The following XXYLT1 variants were observed in gnomAD, a reference collection of about 807,000 sequenced individuals.
XXYLT1 encodes xyloside xylosyltransferase 1, also known as UDP-xylose:alpha-xyloside alpha-1,3-xylosyltransferase.
A neutral mutation model predicts 28.9 loss-of-function variants in XXYLT1; 20 were observed. That is an observed-to-expected ratio of 0.69 (90% CI 0.49 to 1.00). The LOEUF is 1.00. Ranked by LOEUF, XXYLT1 falls within the 50% of genes least tolerant of loss-of-function variation. The probability of loss-of-function intolerance (pLI) is 0.00; values close to 1 mark genes in which losing one functional copy is unlikely to be tolerated. For synonymous variants in XXYLT1, 257 were observed against 253.8 expected, an observed-to-expected ratio of 1.01 and a Z score of -0.12; for missense variants, 542 against 560.1, an observed-to-expected ratio of 0.97 and a Z score of 0.33.
intron 2 of XXYLT1, among the ~76,000 whole-genome samples, chr3:195,212,692 C>G (rs139137865): frequency 6.6e-6 from 1 of 152,220 alleles, no homozygotes; most frequent in African/African-American, 2.4e-5. Context: ...GAGACTCTGA[C>G]GAATGCCTGA....
chr3:195,186,937 C>A (rs995397134), intron 2 of XXYLT1, among the ~76,000 whole-genome samples: 3 of 151,238 alleles, frequency 2.0e-5, no homozygotes, highest in African/African-American at 4.9e-5. Flanking sequence ...CTCTGTCACC[C>A]AGGCTAGAGT....
intron 2 of XXYLT1, among the ~76,000 whole-genome samples, chr3:195,164,048 T>G (rs1246376906): frequency 6.6e-6 from 1 of 152,246 alleles, no homozygotes; most frequent in East Asian, 1.9e-4. Flanking sequence ...TGAAATGCAT[T>G]CTTTTATGGG....
intron 2 of XXYLT1, among the ~76,000 whole-genome samples, chr3:195,201,347 C>CA (rs1722841224): frequency 6.6e-6 from 1 of 152,226 alleles, no homozygotes; most frequent in Non-Finnish European, 1.5e-5. Flanking sequence ...CCCCAGCACA[C>CA]ACTTTTAACC....
rs1276666400 is a variant in XXYLT1, at chr3:195,150,726, G to C, written c.785+5723C>G. On this transcript the variant is annotated intron_variant, in intron 3 of 3. Transcript: ENST00000310380. The surrounding 1 kb of genome is among the most constrained non-coding windows in gnomAD (Gnocchi z 4.7). ...CTCCCATTCAGAGGATCCTCAGGCG[G>C]CCAGCTCCACAAAGTGACCATAACA... Among the ~76,000 whole-genome samples the C allele has an allele frequency of 6.6e-6, 1 of 152,072 alleles. No homozygotes were observed. Among genetic ancestry groups the C allele is most frequent in the Admixed American group, 6.6e-5 (1 of 15,252 alleles).
At chr3:195,130,296 C>T (rs915575283) in intron 3 of XXYLT1, among the ~76,000 whole-genome samples, 17 of 152,156 alleles carry the variant, frequency 1.1e-4, no homozygotes, top group African/African-American at 3.9e-4. Flanking sequence ...TTTGAAGTGA[C>T]AATGATCACA....
intron 1 of XXYLT1, among the ~76,000 whole-genome samples, chr3:195,242,486 A>G (rs1238439010): frequency 3.9e-5 from 6 of 152,196 alleles, no homozygotes; most frequent in East Asian, 3.8e-4. Flanking sequence ...GATCAATGAC[A>G]TGGACACATG....
At chr3:195,096,511 T>TACAC (rs367808342) in intron 3 of XXYLT1, among the ~76,000 whole-genome samples, 1 of 151,668 alleles carries the variant, frequency 6.6e-6, no homozygotes, top group African/African-American at 2.4e-5. Context: ...ACACACACGA[T>TACAC]ACACACACAC....
chr3:195,188,907 G>A (rs1577125688), intron 2 of XXYLT1, among the ~76,000 whole-genome samples: 1 of 152,222 alleles, frequency 6.6e-6, no homozygotes, highest in Non-Finnish European at 1.5e-5. Flanking sequence ...AGTAACATCC[G>A]ATGGCTATGG....
In XXYLT1 at chr3:195,129,488, C is replaced by A. The variant is rs536403887; in HGVS notation, c.785+26961G>T. 3.9e-5 allele frequency among the ~76,000 whole-genome samples: 6 copies of A among 152,222 alleles called. No individual in the cohort carries two copies. The highest frequency in any genetic ancestry group is 2.0e-4 in the Admixed American group (3 of 15,282). On this transcript the variant is annotated intron_variant, in intron 3 of 3. Transcript: ENST00000310380. This position sits in a 1 kb window ranked among gnomAD's most constrained non-coding sequence, Gnocchi z 4.4. ...TTCATCTCAATGGACGCATATAGTG[C>A]GGTCTTCTGTGACGGGCTTCTTTCA...
intron 2 of XXYLT1, among the ~76,000 whole-genome samples, chr3:195,219,501 G>C (rs1025034134): frequency 6.6e-6 from 1 of 152,228 alleles, no homozygotes; most frequent in East Asian, 1.9e-4. Flanking sequence ...AGGGAAGAAG[G>C]AATGAGGAAG....
At position 195,270,643 on chromosome 3, in the gene XXYLT1, A is replaced by T; in HGVS notation, c.416T>A (p.Leu139His). 1 of 1,560,346 alleles carries T rather than the reference A, an allele frequency of 6.4e-7. No homozygotes were observed. The highest frequency in any genetic ancestry group is 8.6e-7 in the Non-Finnish European group (1 of 1,158,540). ...AKFEAHEVLNLHFVSEEASRE... is the reference protein window; with the variant it reads ...AKFEAHEVLNHHFVSEEASRE... ...GCTGGCCTCCTCGCTCACGAAGTGA[A>T]GGTTAAGCACCTCGTGCGCCTCGAA... The change falls in exon 1 of 4, where the codon CTT (leucine) becomes CAT (histidine). Residue 139 changes from leucine (L) to histidine (H), a missense_variant. Transcript: ENST00000310380.
intron 2 of XXYLT1, among the ~76,000 whole-genome samples, chr3:195,166,294 TAATTA>T (rs1176932863): frequency 6.6e-6 from 1 of 152,260 alleles, no homozygotes; most frequent in Non-Finnish European, 1.5e-5. Context: ...GTTTTTCTTC[TAATTA>T]AATAACATTT....
At chr3:195,071,372 C>A (rs1714798914) in intron 3 of XXYLT1, among the ~76,000 whole-genome samples, 1 of 152,254 alleles carries the variant, frequency 6.6e-6, no homozygotes, top group African/African-American at 2.4e-5. Context: ...ACCGGAGACC[C>A]TGCCCAGGGT....
intron 2 of XXYLT1, among the ~76,000 whole-genome samples, chr3:195,179,748 C>T (rs1007216247): frequency 3.9e-5 from 6 of 152,024 alleles, no homozygotes; most frequent in Admixed American, 1.3e-4. Context: ...TCATCCTGCC[C>T]ATGAGAAAAG....
At chr3:195,222,131 G>A (rs1723853688) in intron 2 of XXYLT1, among the ~76,000 whole-genome samples, 1 of 152,250 alleles carries the variant, frequency 6.6e-6, no homozygotes, top group South Asian at 2.1e-4. Context: ...GGGCCCAGAA[G>A]ACAGGCAAGG....
intron 3 of XXYLT1, among the ~76,000 whole-genome samples, chr3:195,113,042 C>T (rs1276183417): frequency 6.6e-6 from 1 of 152,238 alleles, no homozygotes; most frequent in Admixed American, 6.5e-5. Flanking sequence ...CTTCTTTGAG[C>T]TTCAGCTTCC....
At chr3:195,205,284 T>A (rs1723023234) in intron 2 of XXYLT1, among the ~76,000 whole-genome samples, 1 of 152,202 alleles carries the variant, frequency 6.6e-6, no homozygotes, top group Admixed American at 6.5e-5. Flanking sequence ...CTTAAATGGA[T>A]GGTTAAGCAA....
chr3:195,109,634 T>G (rs575236517), intron 3 of XXYLT1, among the ~76,000 whole-genome samples: 2,659 of 120,478 alleles, frequency 0.022, 44 homozygotes, highest in Non-Finnish European at 0.036. Flanking sequence ...GTGGTGTCTG[T>G]GTGGTGTGTG....
At chr3:195,113,823 T>G (rs1717905569) in intron 3 of XXYLT1, among the ~76,000 whole-genome samples, 1 of 152,036 alleles carries the variant, frequency 6.6e-6, no homozygotes, top group Non-Finnish European at 1.5e-5. Flanking sequence ...CCCTGGGCAT[T>G]CTGATAGTGC....
Sources: gnomAD v4.1 joint callset for allele counts (sites outside exome capture counted in the v4.1 genomes callset) on GRCh38, gnomAD v4.1.1 for gene constraint, Gnocchi (gnomAD v3.1) non-coding constraint, MANE v1.5 for transcripts, NCBI Gene and HGNC (gene_info 2026-07-23, HGNC 2026-07-21) for gene names.